CAPN5: variants seen among roughly 807,000 people sequenced by gnomAD.
CAPN5 encodes the protein calpain-5.
A neutral mutation model predicts 73.0 loss-of-function variants in CAPN5; 54 were observed. The observed-to-expected ratio is 0.74, with a 90% CI of 0.59 to 0.93. CAPN5 has a LOEUF of 0.93. Among genes scored for constraint, CAPN5 ranks in the 40% least tolerant of loss-of-function variants. CAPN5 has a pLI of 0.00. For synonymous variants in CAPN5, 335 were observed against 356.9 expected, an observed-to-expected ratio of 0.94 and a Z score of 0.69; for missense variants, 785 against 882.9, an observed-to-expected ratio of 0.89 and a Z score of 1.41.
chr11:77,086,785 G>T (rs1198427649), intron 2 of CAPN5, among the ~76,000 whole-genome samples: 1 of 152,198 alleles, frequency 6.6e-6, no homozygotes, highest in Non-Finnish European at 1.5e-5. Flanking sequence ...TTTTAGGTCC[G>T]TGGCTCCGAA....
chr11:77,112,841 G>T (rs1286846346), intron 4 of CAPN5, 44 bp downstream of exon 4: 11 of 1,578,440 alleles, frequency 7.0e-6, no homozygotes, highest in Non-Finnish European at 9.6e-6. Flanking sequence ...CCCAGACGGG[G>T]GTGGCACCGG....
At chr11:77,102,881 G>A (rs376088397) in intron 3 of CAPN5, 144 of 1,609,508 alleles carry the variant, frequency 8.9e-5, no homozygotes, top group Non-Finnish European at 1.2e-4. Flanking sequence ...TGGACATGCC[G>A]CTGGTCCTGG....
At chr11:77,103,185 G>C in intron 3 of CAPN5, 1 of 1,613,818 alleles carries the variant, frequency 6.2e-7, no homozygotes, top group Non-Finnish European at 8.5e-7. Flanking sequence ...GGATGCCATA[G>C]ATTGGAATGA....
chr11:77,070,042 C>T (rs1565252339), intron 1 of CAPN5, among the ~76,000 whole-genome samples: 1 of 152,170 alleles, frequency 6.6e-6, no homozygotes, highest in African/African-American at 2.4e-5. Flanking sequence ...TCTTAGGAAG[C>T]CAGCCTCAGG....
intron 1 of CAPN5, 39 bp from the exon 2 acceptor site, chr11:77,084,813 G>A (rs1565259448): frequency 6.3e-7 from 1 of 1,576,020 alleles, no homozygotes; most frequent in East Asian, 2.2e-5. Context: ...AGGGACCCAG[G>A]GACTCTGTGA....
chr11:77,100,416 C>G (rs1170977988), intron 3 of CAPN5, among the ~76,000 whole-genome samples: 4 of 151,874 alleles, frequency 2.6e-5, no homozygotes, highest in Non-Finnish European at 1.5e-5. Context: ...TCCCACCGCT[C>G]GTCCCTCCCG....
At chr11:77,106,799 G>T (rs528396101) in intron 3 of CAPN5, among the ~76,000 whole-genome samples, 3 of 152,238 alleles carry the variant, frequency 2.0e-5, no homozygotes, top group African/African-American at 7.2e-5. Flanking sequence ...GAAGTGAGTT[G>T]CCTGAGGCAT....
intron 3 of CAPN5, among the ~76,000 whole-genome samples, chr11:77,105,852 G>A (rs891604714): frequency 2.6e-5 from 4 of 152,296 alleles, no homozygotes; most frequent in Non-Finnish European, 5.9e-5. Flanking sequence ...ACTCTGAAGC[G>A]CACTCATTTT....
intron 3 of CAPN5, among the ~76,000 whole-genome samples, chr11:77,106,990 G>A (rs529380594): frequency 3.9e-5 from 6 of 152,332 alleles, no homozygotes; most frequent in East Asian, 1.9e-4. Flanking sequence ...CTGGAGGCCC[G>A]GGGGAAGGGG....
chr11:77,117,850 G>C (rs577150599), intron 7 of CAPN5, among the ~76,000 whole-genome samples: 1 of 152,220 alleles, frequency 6.6e-6, no homozygotes, highest in Non-Finnish European at 1.5e-5. Flanking sequence ...TTGCCAGTGC[G>C]TGCTCTGTCA....
chr11:77,104,013 G>A (rs1041999339), intron 3 of CAPN5, among the ~76,000 whole-genome samples: 14 of 152,318 alleles, frequency 9.2e-5, no homozygotes, highest in Middle Eastern at 3.4e-3. Context: ...CTGTCTCTAC[G>A]CACACATATC....
At chr11:77,093,068 C>G (rs78654038) in intron 2 of CAPN5, among the ~76,000 whole-genome samples, 2,659 of 152,372 alleles carry the variant, frequency 0.017, 88 homozygotes, top group African/African-American at 0.061. Flanking sequence ...CAGTCCATCT[C>G]TGAACCTCCA....
At chr11:77,080,223 G>A (rs1168241583) in intron 1 of CAPN5, among the ~76,000 whole-genome samples, 1 of 152,192 alleles carries the variant, frequency 6.6e-6, no homozygotes, top group Non-Finnish European at 1.5e-5. Context: ...ACAGTGCCCA[G>A]TGAGCTTTGT....
intron 3 of CAPN5, among the ~76,000 whole-genome samples, chr11:77,103,815 G>A (rs59119075): frequency 0.06 from 9,084 of 152,238 alleles, 387 homozygotes; most frequent in African/African-American, 0.12. Flanking sequence ...GCCCTTTGCC[G>A]GAGCCTGTGT....
intron 1 of CAPN5, among the ~76,000 whole-genome samples, chr11:77,069,160 T>C (rs1445530534): frequency 1.3e-5 from 2 of 152,188 alleles, no homozygotes; most frequent in South Asian, 2.1e-4. Flanking sequence ...GCCTATGACC[T>C]TGAGGCGGAG....
At chr11:77,114,520 A>G (rs1422862611) in intron 5 of CAPN5, 86 bp downstream of exon 5, 4 of 1,256,332 alleles carry the variant, frequency 3.2e-6, no homozygotes, top group Non-Finnish European at 4.6e-6. Context: ...TCCCACGCTC[A>G]GGTCAGCTCC....
Position 77,086,318 on chromosome 11 carries a change from A to T in CAPN5, c.165+1267A>T, listed in dbSNP as rs115653613. Among the ~76,000 whole-genome samples the T allele has an allele frequency of 7.3e-3, 1,116 of 152,220 alleles. 13 individuals carry two copies. The highest frequency in any genetic ancestry group is 0.025 in the African/African-American group (1,052 of 41,546). On this transcript the variant is annotated intron_variant, in intron 2 of 12. Transcript: ENST00000648180. ...TCCCTTCTGACTGAAAATACCCCGTAGATGTCCTTGGACTGGGACTCTTGA... is the reference window on the plus strand; with the variant it reads ...TCCCTTCTGACTGAAAATACCCCGTTGATGTCCTTGGACTGGGACTCTTGA...
At chr11:77,108,611 C>G (rs1160903891) in intron 3 of CAPN5, among the ~76,000 whole-genome samples, 1 of 152,092 alleles carries the variant, frequency 6.6e-6, no homozygotes, top group African/African-American at 2.4e-5. Flanking sequence ...GCACCCATCC[C>G]TTCACTTTGA....
At chr11:77,070,351 C>T (rs1314358455) in intron 1 of CAPN5, among the ~76,000 whole-genome samples, 1 of 152,198 alleles carries the variant, frequency 6.6e-6, no homozygotes, top group Non-Finnish European at 1.5e-5. Context: ...AGGCTGGGAG[C>T]CCATTGGCTT....
Sources: gnomAD v4.1 joint callset for allele counts (sites outside exome capture counted in the v4.1 genomes callset) on GRCh38, gnomAD v4.1.1 for gene constraint, MANE v1.5 for transcripts, NCBI Gene and HGNC (gene_info 2026-07-23, HGNC 2026-07-21) for gene names.